Variants in TRPM3 observed in about 807,000 individuals in gnomAD.
TRPM3 encodes the protein long transient receptor potential channel 3.
In TRPM3, 77 loss-of-function variants were observed where a neutral mutation model predicts 181.2. The observed-to-expected ratio is 0.42, with a 90% CI of 0.35 to 0.51. TRPM3 has a LOEUF of 0.51. Ranked by LOEUF, TRPM3 falls within the 20% of genes least tolerant of loss-of-function variation. The pLI is 0.01. For missense variants in TRPM3, 1,759 were observed against 2,196.7 expected (o/e 0.80, Z 3.98); for synonymous variants, 745 against 796.4 (o/e 0.94, Z 1.09).
chr9:70,846,357 C>T, intron 4 of TRPM3, 21 bp downstream of exon 4: 1 of 1,607,056 alleles, frequency 6.2e-7, no homozygotes, highest in Non-Finnish European at 8.5e-7. Flanking sequence ...TGTTGACTTT[C>T]TCTGTTCCAC....
At chr9:71,355,616 T>TCC (rs1026583091) in intron 1 of TRPM3, among the ~76,000 whole-genome samples, 57 of 151,878 alleles carry the variant, frequency 3.8e-4, no homozygotes, top group African/African-American at 1.3e-3. Flanking sequence ...GCCGATAGAG[T>TCC]CCCCCTGTGG....
chr9:70,927,369 T>C (rs1198870575), intron 1 of TRPM3, among the ~76,000 whole-genome samples: 1 of 152,174 alleles, frequency 6.6e-6, no homozygotes, highest in Non-Finnish European at 1.5e-5. Context: ...TATTAGTAAA[T>C]GCCATCACGA....
chr9:70,613,248 A>C (rs1392721604), intron 18 of TRPM3, among the ~76,000 whole-genome samples: 1 of 152,226 alleles, frequency 6.6e-6, no homozygotes, highest in East Asian at 1.9e-4. Flanking sequence ...TCCTTAAAGC[A>C]GAATCTAACA....
At chr9:70,638,447 G>A (rs991736736) in intron 11 of TRPM3, among the ~76,000 whole-genome samples, 1 of 152,136 alleles carries the variant, frequency 6.6e-6, no homozygotes, top group African/African-American at 2.4e-5. Context: ...CAGAGCCAAT[G>A]CACTTAACTC....
At chr9:70,834,152 C>G (rs888416457) in intron 5 of TRPM3, among the ~76,000 whole-genome samples, 2 of 152,174 alleles carry the variant, frequency 1.3e-5, no homozygotes, top group Admixed American at 1.3e-4. Context: ...GCAATTCAAA[C>G]AAGAGACCAG....
At chr9:70,843,251 T>A (rs943520954) in intron 4 of TRPM3, 124 bp from the exon 5 acceptor site, 37 of 1,028,392 alleles carry the variant, frequency 3.6e-5, no homozygotes, top group Non-Finnish European at 4.8e-5. Flanking sequence ...TTTTGACACA[T>A]TTCTATACAA....
intron 1 of TRPM3, among the ~76,000 whole-genome samples, chr9:71,061,623 C>G (rs1348963403): frequency 2.0e-5 from 3 of 152,016 alleles, no homozygotes; most frequent in Non-Finnish European, 4.4e-5. Flanking sequence ...TGTAACCAGT[C>G]CCAATAAAAA....
chr9:71,253,788 T>C (rs909694120), intron 1 of TRPM3, among the ~76,000 whole-genome samples: 1 of 152,138 alleles, frequency 6.6e-6, no homozygotes, highest in Non-Finnish European at 1.5e-5. Flanking sequence ...GTAGCCAGTA[T>C]ATGGAATCTG....
chr9:70,559,943 C>G (rs555265166), intron 22 of TRPM3, among the ~76,000 whole-genome samples: 1 of 152,140 alleles, frequency 6.6e-6, no homozygotes, highest in African/African-American at 2.4e-5. Context: ...GACCCTGCCC[C>G]CTGTGTATTT....
chr9:71,064,335 T>C (rs867969124), intron 1 of TRPM3, among the ~76,000 whole-genome samples: 3 of 152,178 alleles, frequency 2.0e-5, no homozygotes, highest in African/African-American at 4.8e-5. Context: ...GGAGATAAAA[T>C]TGACTTCTAT....
intron 9 of TRPM3, among the ~76,000 whole-genome samples, chr9:70,648,553 A>G (rs1164663900): frequency 2.0e-5 from 3 of 152,174 alleles, no homozygotes; most frequent in African/African-American, 7.2e-5. Context: ...AGCAAAAAGA[A>G]TAAAGCTGGA....
At chr9:70,789,762 C>T (rs1428254765) in intron 6 of TRPM3, among the ~76,000 whole-genome samples, 2 of 152,210 alleles carry the variant, frequency 1.3e-5, no homozygotes, top group Non-Finnish European at 2.9e-5. Flanking sequence ...GCTCTGCGTT[C>T]TACAGGGTTT....
intron 1 of TRPM3, among the ~76,000 whole-genome samples, chr9:71,004,506 G>C (rs1171535123): frequency 6.6e-6 from 1 of 152,234 alleles, no homozygotes; most frequent in African/African-American, 2.4e-5. Flanking sequence ...ACCAGCAAAA[G>C]CTGGAACAGG....
intron 1 of TRPM3, among the ~76,000 whole-genome samples, chr9:71,419,734 C>T (rs1471073008): frequency 3.3e-5 from 5 of 151,846 alleles, no homozygotes; most frequent in Non-Finnish European, 2.9e-5. Flanking sequence ...TTATGTTATG[C>T]ACATTTTACC....
intron 1 of TRPM3, among the ~76,000 whole-genome samples, chr9:71,089,758 G>C (rs186602066): frequency 1.3e-5 from 2 of 152,186 alleles, no homozygotes; most frequent in East Asian, 3.9e-4. Flanking sequence ...GTCTCGTGAG[G>C]AAGGCCACTC....
chr9:71,310,536 C>T (rs1565449004), intron 1 of TRPM3, among the ~76,000 whole-genome samples: 1 of 151,986 alleles, frequency 6.6e-6, no homozygotes, highest in Non-Finnish European at 1.5e-5. Context: ...ACATTCAATT[C>T]CCATTGCTCT....
intron 1 of TRPM3, among the ~76,000 whole-genome samples, chr9:71,083,772 G>T (rs933786239): frequency 6.6e-6 from 1 of 150,552 alleles, no homozygotes. Flanking sequence ...CTAATGTTGT[G>T]CCAGGTACTT....
chr9:70,564,606 C>A (rs866322147), intron 22 of TRPM3, among the ~76,000 whole-genome samples: 6 of 152,270 alleles, frequency 3.9e-5, no homozygotes, highest in Middle Eastern at 3.4e-3. Flanking sequence ...TCAAGAGGGG[C>A]CTTCTTAGGA....
chr9:71,223,031 T>C (rs1173660266), intron 1 of TRPM3, among the ~76,000 whole-genome samples: 1 of 152,098 alleles, frequency 6.6e-6, no homozygotes, highest in Admixed American at 6.6e-5. Flanking sequence ...GCCAGTGGAC[T>C]TGGGGGCTAG....
Sources: allele counts gnomAD v4.1 joint callset (sites outside exome capture counted in the v4.1 genomes callset), GRCh38; gene constraint gnomAD v4.1.1; transcripts MANE v1.5; gene names NCBI Gene and HGNC (gene_info 2026-07-23, HGNC 2026-07-21).